The following ARAP2 variants were observed in gnomAD, a reference collection of about 807,000 sequenced individuals.
The protein encoded by ARAP2 is ArfGAP with RhoGAP domain, ankyrin repeat and PH domain 2, also known as arf-GAP with Rho-GAP domain, ANK repeat and PH domain-containing protein 2.
A neutral mutation model predicts 194.5 loss-of-function variants in ARAP2; 148 were observed. That is an observed-to-expected ratio of 0.76 (90% CI 0.67 to 0.87). The LOEUF (loss-of-function observed/expected upper bound fraction) is 0.87, where lower values mean the gene tolerates loss of function less well. Ranked by LOEUF, ARAP2 falls within the 40% of genes least tolerant of loss-of-function variation. The pLI is 0.00. For synonymous variants in ARAP2, 695 were observed against 683.5 expected, an observed-to-expected ratio of 1.02 and a Z score of -0.26; for missense variants, 2,128 against 1,989.7, an observed-to-expected ratio of 1.07 and a Z score of -1.32.
chr4:36,217,452 C>T (rs142069600), intron 2 of ARAP2, among the ~76,000 whole-genome samples: 1,660 of 152,178 alleles, frequency 0.011, 26 homozygotes, highest in African/African-American at 0.038. Flanking sequence ...ACCCAGGAGG[C>T]GGAGGTTGCA....
chr4:36,029,667 T>C (rs1718585855), intron 5 of ARAP2, among the ~76,000 whole-genome samples: 1 of 152,046 alleles, frequency 6.6e-6, no homozygotes, highest in African/African-American at 2.4e-5. Context: ...TTCTTTTCCC[T>C]CTCTGCATGT....
At chr4:36,090,727 T>C (rs1481089386) in intron 28 of ARAP2, among the ~76,000 whole-genome samples, 2 of 152,040 alleles carry the variant, frequency 1.3e-5, no homozygotes, top group African/African-American at 2.4e-5. Flanking sequence ...CATGGACACA[T>C]AGAGGGGAAC....
At chr4:36,182,708 A>G (rs1283592598) in intron 8 of ARAP2, among the ~76,000 whole-genome samples, 2 of 152,154 alleles carry the variant, frequency 1.3e-5, no homozygotes, top group East Asian at 3.9e-4. Context: ...CACATTTTCT[A>G]AGTCAAACTG....
At chr4:36,204,757 G>A (rs888102643) in intron 6 of ARAP2, among the ~76,000 whole-genome samples, 2 of 152,044 alleles carry the variant, frequency 1.3e-5, no homozygotes, top group Admixed American at 6.6e-5. Context: ...GTGGGAGACC[G>A]AGGAGGGTAG....
In ARAP2 at chr4:36,147,172, A is replaced by G. The variant is rs1167328735; in HGVS notation, c.3263+124T>C. On this transcript the variant is annotated intron_variant, in intron 19 of 32. Coordinates refer to ENST00000303965, the MANE Select transcript of ARAP2 (RefSeq NM_015230.4). ...TAATATATACTATATATGTATATTT[A>G]TATGATTCAGAAAATTTCAACAGGT... is the stretch of plus-strand genomic sequence containing the variant. 7.9e-6 allele frequency: 6 copies of G among 757,362 alleles called. No homozygotes were observed. The Admixed American group carries it at 1.3e-4, about 16-fold the overall frequency. 46.9% of individuals were successfully genotyped at this position (757,362 alleles called of 1,614,324 possible). A position where few individuals can be genotyped will look rare whatever the true frequency, so the allele number is the denominator to read the frequency against.
At chr4:36,207,630 T>C (rs1278945224) in intron 6 of ARAP2, among the ~76,000 whole-genome samples, 1 of 152,238 alleles carries the variant, frequency 6.6e-6, no homozygotes, top group Non-Finnish European at 1.5e-5. Flanking sequence ...AATGTGATTA[T>C]TTTGCTTAAT....
downstream of ARAP2, chr4:36,065,249 A>G: frequency 2.5e-6 from 1 of 397,014 alleles, no homozygotes; most frequent in South Asian, 2.1e-5. Flanking sequence ...GAAGCAGTTC[A>G]CACACATCAG....
At chr4:36,025,121 A>G (rs1717679571) in intron 5 of ARAP2, among the ~76,000 whole-genome samples, 1 of 152,138 alleles carries the variant, frequency 6.6e-6, no homozygotes, top group Non-Finnish European at 1.5e-5. Context: ...GAATTATTAA[A>G]TGATGAGCAG....
At position 36,161,367 on chromosome 4, in the gene ARAP2, G is replaced by T. The variant is rs41282369; in HGVS notation, c.2259+98C>A. ...GGTGAGAACTTTATCAAACAGCCCC[G>T]AGAAAAATTCCTGCCACCCAAACCC... On this transcript the variant is annotated intron_variant, in intron 12 of 32. Coordinates refer to ENST00000303965, the MANE Select transcript of ARAP2 (RefSeq NM_015230.4). 7.1e-3 allele frequency: 6,398 copies of T among 905,266 alleles called. 40 individuals are homozygous for T. Among genetic ancestry groups the T allele is most frequent in the Non-Finnish European group, 9.5e-3 (5,341 of 562,950 alleles). The allele number at this position is 905,266 out of a possible 1,614,324, so 56.1% of individuals were successfully genotyped here.
chr4:36,147,952 A>G (rs931853180), intron 17 of ARAP2, among the ~76,000 whole-genome samples: 6 of 152,120 alleles, frequency 3.9e-5, no homozygotes, highest in Non-Finnish European at 7.4e-5. Flanking sequence ...AGCATCTTAA[A>G]CCATTTTTCT....
intron 15 of ARAP2, among the ~76,000 whole-genome samples, chr4:36,156,127 C>A (rs1732235716): frequency 6.6e-6 from 1 of 151,572 alleles, no homozygotes; most frequent in South Asian, 2.1e-4. Context: ...ACTAAAAATA[C>A]AAAAATTAGC....
intron 5 of ARAP2, among the ~76,000 whole-genome samples, chr4:36,019,951 G>GT (rs1313385254): frequency 2.6e-5 from 4 of 152,042 alleles, no homozygotes; most frequent in Non-Finnish European, 5.9e-5. Context: ...TATATACTAT[G>GT]TTTTTTTCCC....
chr4:36,124,284 A>G (rs986043217), intron 22 of ARAP2, among the ~76,000 whole-genome samples: 1 of 151,760 alleles, frequency 6.6e-6, no homozygotes, highest in African/African-American at 2.4e-5. Context: ...TATTTATTTA[A>G]CTTTTTGTAA....
chr4:36,006,272 C>G (rs762698862), intron 10 of ARAP2: 2 of 152,162 alleles, frequency 1.3e-5, no homozygotes, highest in Non-Finnish European at 2.9e-5. Context: ...GAAAAACGGA[C>G]AGCTAAGGAA....
intron 20 of ARAP2, among the ~76,000 whole-genome samples, chr4:36,130,363 T>C (rs1256282219): frequency 6.6e-6 from 1 of 151,948 alleles, no homozygotes; most frequent in African/African-American, 2.4e-5. Context: ...CCTTTTATAT[T>C]GATCAACTCC....
chr4:36,198,922 A>G (rs931718326), intron 6 of ARAP2, among the ~76,000 whole-genome samples: 1 of 152,056 alleles, frequency 6.6e-6, no homozygotes, highest in African/African-American at 2.4e-5. Flanking sequence ...CTGGACTCAT[A>G]GCCACAACTT....
intron 9 of ARAP2, among the ~76,000 whole-genome samples, chr4:36,172,731 C>T (rs1305855574): frequency 8.5e-5 from 13 of 152,190 alleles, no homozygotes; most frequent in East Asian, 3.8e-4. Context: ...TTTGGAATTA[C>T]TGGATGCCAG....
At chr4:36,080,319 C>A (rs367599774) in intron 30 of ARAP2, 40 bp from the exon 31 acceptor site, 6 of 1,525,108 alleles carry the variant, frequency 3.9e-6, no homozygotes, top group Non-Finnish European at 5.5e-6. Context: ...TTCAAAAAGA[C>A]AATTGACTGT....
chr4:36,092,110 A>T, intron 27 of ARAP2, 90 bp from the exon 28 acceptor site: 1 of 1,372,428 alleles, frequency 7.3e-7, no homozygotes, highest in Non-Finnish European at 9.7e-7. Context: ...TCATATAGAA[A>T]AAATAAGAAC....
Sources: allele counts gnomAD v4.1 joint callset (sites outside exome capture counted in the v4.1 genomes callset), GRCh38; gene constraint gnomAD v4.1.1; transcripts MANE v1.5; gene names NCBI Gene and HGNC (gene_info 2026-07-23, HGNC 2026-07-21).